AOPEP: variants seen among roughly 807,000 people sequenced by gnomAD.
The protein encoded by AOPEP is aminopeptidase O.
Under a neutral mutation model 98.1 loss-of-function variants are expected in AOPEP, and 77 were observed. The observed-to-expected ratio is 0.78, with a 90% CI of 0.65 to 0.95. AOPEP has a LOEUF of 0.95. Among genes scored for constraint, AOPEP ranks in the 40% least tolerant of loss-of-function variants. The pLI is 0.00. For missense variants in AOPEP, 1,024 were observed against 1,024.7 expected (o/e 1.00, Z 0.01); for synonymous variants, 346 against 365.3 (o/e 0.95, Z 0.60).
chr9:94,945,690 GA>G (rs2057541443), intron 7 of AOPEP, among the ~76,000 whole-genome samples: 1 of 152,150 alleles, frequency 6.6e-6, no homozygotes, highest in Non-Finnish European at 1.5e-5. Flanking sequence ...GTCATCAGAT[GA>G]GGCGATCCTT....
intron 13 of AOPEP, among the ~76,000 whole-genome samples, chr9:95,034,257 T>C (rs527844554): frequency 2.0e-5 from 3 of 152,366 alleles, no homozygotes; most frequent in Admixed American, 2.0e-4. Context: ...ACTGTACTTT[T>C]ATATAGTAAT....
intron 13 of AOPEP, chr9:95,006,215 G>T: frequency 5.3e-6 from 2 of 376,926 alleles, no homozygotes; most frequent in South Asian, 4.3e-5. Flanking sequence ...ATGAAATAAG[G>T]TAAGTAGCCC....
chr9:95,141,672 TC>T, the AOPEP span, among the ~76,000 whole-genome samples: 1 of 152,190 alleles, frequency 6.6e-6, no homozygotes, highest in African/African-American at 2.4e-5. Flanking sequence ...CAAGAGTAAT[TC>T]TAGTTAGGCT....
At chr9:95,100,631 C>T in the AOPEP span, 4 of 229,866 alleles carry the variant, frequency 1.7e-5, no homozygotes, top group Admixed American at 5.7e-5. Context: ...TGAGATTACA[C>T]TAACAATGCC....
intron 5 of AOPEP, among the ~76,000 whole-genome samples, chr9:94,805,741 C>T (rs560704735): frequency 1.4e-4 from 21 of 152,270 alleles, no homozygotes; most frequent in African/African-American, 4.1e-4. Context: ...TGCAAATAAA[C>T]GGTATGCACG....
chr9:94,875,092 A>G (rs1001131798), intron 5 of AOPEP, among the ~76,000 whole-genome samples: 1 of 152,070 alleles, frequency 6.6e-6, no homozygotes, highest in Non-Finnish European at 1.5e-5. Flanking sequence ...TTATTTATTA[A>G]TAGTCTCAAG....
chr9:94,807,394 A>G (rs1224580835), intron 5 of AOPEP, among the ~76,000 whole-genome samples: 3 of 152,186 alleles, frequency 2.0e-5, no homozygotes, highest in African/African-American at 4.8e-5. Context: ...TTCAGAGAAC[A>G]CTGCTGGGGC....
In AOPEP at chr9:95,005,228, C is replaced by T; in HGVS notation, c.2040+8C>T. 1.8e-6 allele frequency: 2 copies of T among 1,090,442 alleles called. No individual in the cohort carries two copies. The highest frequency in any genetic ancestry group is 2.2e-6 in the Non-Finnish European group (2 of 897,882). The allele number at this position is 1,090,442 out of a possible 1,614,324, so 67.5% of individuals were successfully genotyped here. On this transcript the variant is annotated splice_region_variant and intron_variant, in intron 12 of 16. Coordinates refer to ENST00000375315, the MANE Select transcript of AOPEP (RefSeq NM_001193329.3). ...CGGCAAGTGCGCGCCGAGGTGAGTGCGGGCGGCGCGGTCCCTGCGCCCCGG... is the reference window on the plus strand; with the variant it reads ...CGGCAAGTGCGCGCCGAGGTGAGTGTGGGCGGCGCGGTCCCTGCGCCCCGG...
At chr9:94,960,502 A>G (rs1386108808) in intron 9 of AOPEP, among the ~76,000 whole-genome samples, 2 of 151,828 alleles carry the variant, frequency 1.3e-5, no homozygotes, top group South Asian at 4.1e-4. Flanking sequence ...TTATTTTTAT[A>G]TATTAAGATT....
chr9:94,773,265 T>C (rs1020778278), intron 3 of AOPEP, 97 bp downstream of exon 3: 10 of 1,115,766 alleles, frequency 9.0e-6, no homozygotes, highest in African/African-American at 1.6e-5. Flanking sequence ...AGAGCTCCTT[T>C]ATTAGTTGGG....
intron 7 of AOPEP, among the ~76,000 whole-genome samples, chr9:94,951,476 T>G (rs76937872): frequency 0.029 from 4,346 of 152,266 alleles, 222 homozygotes; most frequent in African/African-American, 0.099. Context: ...AACTTTTAAA[T>G]GGGCATAAAC....
At chr9:95,115,331 C>T in the AOPEP span, among the ~76,000 whole-genome samples, 1 of 152,166 alleles carries the variant, frequency 6.6e-6, no homozygotes, top group Non-Finnish European at 1.5e-5. Context: ...GTTGCGGATG[C>T]CCTAGGTTTC....
chr9:94,819,960 T>TG (rs1852658307), intron 5 of AOPEP, among the ~76,000 whole-genome samples: 33 of 147,010 alleles, frequency 2.2e-4, no homozygotes, highest in East Asian at 6.0e-4. Flanking sequence ...TTTTTTTTTT[T>TG]TTTGAGATGG....
At chr9:94,841,912 G>C (rs561475796) in intron 5 of AOPEP, among the ~76,000 whole-genome samples, 6 of 152,164 alleles carry the variant, frequency 3.9e-5, no homozygotes, top group Non-Finnish European at 8.8e-5. Context: ...AATTAGCTGC[G>C]TGTGGTGGCA....
At chr9:95,139,547 T>G in the AOPEP span, among the ~76,000 whole-genome samples, 3 of 152,086 alleles carry the variant, frequency 2.0e-5, no homozygotes, top group Non-Finnish European at 4.4e-5. Flanking sequence ...AGTGTGGGCC[T>G]CGTGCCACGG....
At chr9:94,771,888 C>G (rs1164523716) in intron 2 of AOPEP, among the ~76,000 whole-genome samples, 1 of 152,046 alleles carries the variant, frequency 6.6e-6, no homozygotes, top group African/African-American at 2.4e-5. Flanking sequence ...ATTGGTCTCT[C>G]CGCTCTTCTA....
chr9:95,148,518 T>C, the AOPEP span, among the ~76,000 whole-genome samples: 2 of 152,218 alleles, frequency 1.3e-5, no homozygotes, highest in African/African-American at 4.8e-5. Flanking sequence ...AAGCAGAAAT[T>C]AGAATCTTGG....
Position 94,928,409 on chromosome 9 carries a change from G to A in AOPEP, c.1555-16G>A. On this transcript the variant is annotated splice_polypyrimidine_tract_variant and intron_variant, in intron 6 of 16. Coordinates refer to ENST00000375315, the MANE Select transcript of AOPEP (RefSeq NM_001193329.3). ...GTGTTTTGTGCATGTGTGTCTGTGT[G>A]TCTGTGGCTGAGCAGCTGGCCCCCT... 1 of 1,535,302 alleles carries A rather than the reference G, an allele frequency of 6.5e-7. No individual in the cohort carries two copies. Among genetic ancestry groups the A allele is most frequent in the South Asian group, 1.2e-5 (1 of 83,810 alleles).
At position 94,761,173 on chromosome 9, in the gene AOPEP, A is replaced by G. The variant is rs947169598; in HGVS notation, c.797+593A>G. Among the ~76,000 whole-genome samples, 52 of 152,206 alleles carry G rather than the reference A, an allele frequency of 3.4e-4. 1 individual carries two copies. Among genetic ancestry groups the G allele is most frequent in the African/African-American group, 1.2e-3 (50 of 41,454 alleles). On this transcript the variant is annotated intron_variant, in intron 2 of 16. Coordinates refer to ENST00000375315, the MANE Select transcript of AOPEP (RefSeq NM_001193329.3). ...GCATAACAGTCCTCTGAGACTGCAC[A>G]CTGGCTTCTTTGGCTGTGATTCTTG...
Sources: allele counts gnomAD v4.1 joint callset (sites outside exome capture counted in the v4.1 genomes callset), GRCh38; gene constraint gnomAD v4.1.1; transcripts MANE v1.5; gene names NCBI Gene and HGNC (gene_info 2026-07-23, HGNC 2026-07-21).